SRSF6: variants seen among roughly 807,000 people sequenced by gnomAD.
The protein encoded by SRSF6 is serine/arginine-rich splicing factor 6.
In SRSF6, 17 loss-of-function variants were observed where a neutral mutation model predicts 42.0. The observed-to-expected ratio is 0.40, with a 90% CI of 0.28 to 0.61. The LOEUF is 0.61. Ranked by LOEUF, SRSF6 falls within the 20% of genes least tolerant of loss-of-function variation. The pLI, the probability that SRSF6 is intolerant of heterozygous loss-of-function variation, is 0.37. For missense variants in SRSF6, 379 were observed against 471.4 expected (o/e 0.80, Z 1.81); for synonymous variants, 204 against 166.7 (o/e 1.22, Z -1.72).
chr20:43,458,356 C>A lies in SRSF6; in HGVS notation c.108-5C>A. On this transcript the variant is annotated splice_region_variant and splice_polypyrimidine_tract_variant and intron_variant, in intron 1 of 5. Coordinates refer to ENST00000244020, the MANE Select transcript of SRSF6 (RefSeq NM_006275.6). ...GCGGTTGTCCGGCCCTCGCACCGCC[C>A]CTAGGTACGGCTTCGTGGAGTTCGA... The A allele has an allele frequency of 6.5e-7, 1 of 1,548,528 alleles. No individual in the cohort carries two copies. Among genetic ancestry groups the A allele is most frequent in the African/African-American group, 1.4e-5 (1 of 69,638 alleles).
rs2017632345 is a variant in SRSF6 at position 43,463,114 on chromosome 20, TGG to T, written c.*2052_*2053del. 1 of 152,678 alleles carries T rather than the reference TGG, an allele frequency of 6.5e-6. No individual in the cohort carries two copies. 9.5% of individuals were successfully genotyped at this position (152,678 alleles called of 1,614,324 possible). ...GCTCTCTTGTTAATAGGACATCATATGGTAATAGACTGGTTTGACTATATTGT... is the reference window on the plus strand; with the variant it reads ...GCTCTCTTGTTAATAGGACATCATATTAATAGACTGGTTTGACTATATTGT... On this transcript the variant is annotated 3_prime_UTR_variant, in exon 6 of 6. Coordinates refer to ENST00000244020, the MANE Select transcript of SRSF6 (RefSeq NM_006275.6).
chr20:43,461,205 G>C lies in SRSF6; in HGVS notation c.*142G>C. On this transcript the variant is annotated 3_prime_UTR_variant, in exon 6 of 6. Coordinates refer to ENST00000244020, the MANE Select transcript of SRSF6 (RefSeq NM_006275.6). Reference sequence around the variant, plus strand: ...AGAAATTTGATTTGTGGCCAAATTGGATGAAAAAGATGAGGCTCTAAGGAA... The same window carrying C: ...AGAAATTTGATTTGTGGCCAAATTGCATGAAAAAGATGAGGCTCTAAGGAA... The C allele has an allele frequency of 8.4e-7, 1 of 1,195,434 alleles. No individual in the cohort carries two copies. Among genetic ancestry groups the C allele is most frequent in the Non-Finnish European group, 1.1e-6 (1 of 909,706 alleles). The allele number at this position is 1,195,434 out of a possible 1,614,324, so 74.1% of individuals were successfully genotyped here.
At chr20:43,459,028 C>T in intron 2 of SRSF6, 1 of 767,708 alleles carries the variant, frequency 1.3e-6, no homozygotes, top group Non-Finnish European at 1.9e-6. Context: ...TGTATTTGAA[C>T]TAATTGGGGC....
At position 43,459,846 on chromosome 20, in the gene SRSF6, G is replaced by A; in HGVS notation, c.332G>A (p.Arg111Lys). 6.2e-7 allele frequency: 1 copy of A among 1,610,442 alleles called. No individual in the cohort carries two copies. ...GGACCACCTGTTCGTACAGAATACA[G>A]GCTTATTGTAGAAAATCTTTCTAGT... is the stretch of plus-strand genomic sequence containing the variant. ...KYGPPVRTEY[R>K]LIVENLSSRC... The change falls in exon 3 of 6, where the codon AGG (arginine) becomes AAG (lysine). Residue 111 changes from arginine to lysine, a missense_variant. By Grantham distance (26) the Arg-to-Lys change is conservative (BLOSUM62 2). This residue lies in a region of SRSF6 where 43 missense variants were observed against 108.5 expected (regional missense o/e 0.40). Coordinates refer to ENST00000244020, the MANE Select transcript of SRSF6 (RefSeq NM_006275.6).
In SRSF6 at chr20:43,460,697, G is replaced by A. The variant is rs1333444980; in HGVS notation, c.675-6G>A. On this transcript the variant is annotated splice_region_variant and splice_polypyrimidine_tract_variant and intron_variant, in intron 5 of 5. Coordinates refer to ENST00000244020, the MANE Select transcript of SRSF6 (RefSeq NM_006275.6). The stretch of plus-strand genomic sequence containing the variant: ...GTATTGAGAAAATCGGTCTTTCCTT[G>A]TCCAGTTCCAGGTCGCGGAGCAAAG... 6.2e-7 allele frequency: 1 copy of A among 1,612,996 alleles called. No individual in the cohort carries two copies. Among genetic ancestry groups the A allele is most frequent in the Admixed American group, 1.7e-5 (1 of 59,956 alleles).
intron 1 of SRSF6, 81 bp from the exon 2 acceptor site, chr20:43,458,280 G>A: frequency 7.1e-7 from 1 of 1,403,148 alleles, no homozygotes; most frequent in Non-Finnish European, 9.3e-7. Context: ...GCGGGGGCGC[G>A]CGGTGGGGTA....
Position 43,457,902 on chromosome 20 carries a change from T to G in SRSF6, c.-132T>G, listed in dbSNP as rs1022984725. 2.9e-4 allele frequency: 191 copies of G among 669,166 alleles called. No individual in the cohort carries two copies. Among genetic ancestry groups the G allele is most frequent in the Non-Finnish European group, 4.3e-4 (172 of 403,112 alleles). The allele number at this position is 669,166 out of a possible 1,614,324, so 41.5% of individuals were successfully genotyped here. On this transcript the variant is annotated 5_prime_UTR_variant, in exon 1 of 6. Coordinates refer to ENST00000244020, the MANE Select transcript of SRSF6 (RefSeq NM_006275.6). The stretch of plus-strand genomic sequence containing the variant: ...CCTGGCGCGCGCGCGCGCCATTGTG[T>G]GGCTGGACTCGGCCGCCCCTGTGGT...
rs1209304033 is a variant in SRSF6 at position 43,458,457 on chromosome 20, G to A, written c.204G>A (p.Glu68=). ...TCTGCGGCGAGCGCGTGATCGTAGA[G>A]CACGCCCGGGGCCCGCGTCGCGATC... is the stretch of plus-strand genomic sequence containing the variant. ...KELCGERVIV[E]HARGPRRDRD... The change falls in exon 2 of 6, where the codon GAG becomes GAA. Residue 68 remains glutamate (E), a synonymous_variant. Coordinates refer to ENST00000244020, the MANE Select transcript of SRSF6 (RefSeq NM_006275.6). 2 of 1,524,818 alleles carry A rather than the reference G, an allele frequency of 1.3e-6. No individual in the cohort carries two copies. 94.5% of individuals were successfully genotyped at this position (1,524,818 alleles called of 1,614,324 possible).
Position 43,459,765 on chromosome 20 carries a change from A to G in SRSF6, c.257-6A>G. 6.2e-7 allele frequency: 1 copy of G among 1,612,894 alleles called. No individual in the cohort carries two copies. Among genetic ancestry groups the G allele is most frequent in the Non-Finnish European group, 8.5e-7 (1 of 1,180,026 alleles). On this transcript the variant is annotated splice_polypyrimidine_tract_variant and splice_region_variant and intron_variant, in intron 2 of 5. Transcript: ENST00000244020. ...GGCATCTAATTGTTCCCTTCATGTG[A>G]TAAAGGTGGTGGAGGTGGATACAGC...
chr20:43,458,338 T>C (rs773522012), intron 1 of SRSF6, 23 bp from the exon 2 acceptor site: 3 of 1,523,916 alleles, frequency 2.0e-6, no homozygotes, highest in Non-Finnish European at 2.6e-6. Context: ...CCCGCGGTTG[T>C]CCGGCCCTCG....
At position 43,462,424 on chromosome 20, in the gene SRSF6, A is replaced by C. The variant is rs1187359724; in HGVS notation, c.*1361A>C. 1 of 152,226 alleles carries C rather than the reference A, an allele frequency of 6.6e-6. No homozygotes were observed. Among genetic ancestry groups the C allele is most frequent in the Non-Finnish European group, 1.5e-5 (1 of 68,038 alleles). 9.4% of individuals were successfully genotyped at this position (152,226 alleles called of 1,614,324 possible). A position where few individuals can be genotyped will look rare whatever the true frequency, so the allele number is the denominator to read the frequency against. On this transcript the variant is annotated 3_prime_UTR_variant, in exon 6 of 6. Transcript: ENST00000244020. ...GTTACTTTATTTAAAAGCATTTATT[A>C]ATCTTAGTCTGAAATCAAAATATAG...
rs779044778 is a variant in SRSF6, at chr20:43,462,916, T to C, written c.*1853T>C. ...ATGTCTGTTGTTATAGTTCATTGTTTTGCCTACTCAGCAGAAGTGATGACT... is the reference window on the plus strand; with the variant it reads ...ATGTCTGTTGTTATAGTTCATTGTTCTGCCTACTCAGCAGAAGTGATGACT... On this transcript the variant is annotated 3_prime_UTR_variant, in exon 6 of 6. Transcript: ENST00000244020. 9.2e-5 allele frequency: 14 copies of C among 152,704 alleles called. No homozygotes were observed. Among genetic ancestry groups the C allele is most frequent in the Non-Finnish European group, 1.5e-4 (10 of 68,052 alleles). 9.5% of individuals were successfully genotyped at this position (152,704 alleles called of 1,614,324 possible). A position where few individuals can be genotyped will look rare whatever the true frequency, so the allele number is the denominator to read the frequency against.
Position 43,459,909 on chromosome 20 carries a change from T to C in SRSF6, c.381+14T>C. The stretch of plus-strand genomic sequence containing the variant: ...CAAGATTTAAAGGTATGTTTTGTAA[T>C]TCAAGATAGAAATGATATGACTAAT... On this transcript the variant is annotated intron_variant, in intron 3 of 5. Coordinates refer to ENST00000244020, the MANE Select transcript of SRSF6 (RefSeq NM_006275.6). 2.5e-6 allele frequency: 4 copies of C among 1,600,534 alleles called. No homozygotes were observed. Among genetic ancestry groups the C allele is most frequent in the South Asian group, 1.1e-5 (1 of 88,612 alleles).
chr20:43,460,501 T>A lies in SRSF6; in HGVS notation c.591-14T>A, dbSNP rs201469806. 11 of 1,612,424 alleles carry A rather than the reference T, an allele frequency of 6.8e-6. No homozygotes were observed. The highest frequency in any genetic ancestry group is 1.3e-5 in the African/African-American group (1 of 75,022). ...TGGATTGGGATTAAGACTTCATTGT[T>A]TTTCTCCTAATAGGTCTCGATCTAG... On this transcript the variant is annotated splice_polypyrimidine_tract_variant and intron_variant, in intron 4 of 5. Coordinates refer to ENST00000244020, the MANE Select transcript of SRSF6 (RefSeq NM_006275.6).
In SRSF6 at chr20:43,461,088, A is replaced by G. The variant is rs2017581613; in HGVS notation, c.*25A>G. 1.3e-6 allele frequency: 2 copies of G among 1,529,098 alleles called. No individual in the cohort carries two copies. Among genetic ancestry groups the G allele is most frequent in the Non-Finnish European group, 8.8e-7 (1 of 1,140,690 alleles). 94.7% of individuals were successfully genotyped at this position (1,529,098 alleles called of 1,614,324 possible). A position where few individuals can be genotyped will look rare whatever the true frequency, so the allele number is the denominator to read the frequency against. On this transcript the variant is annotated 3_prime_UTR_variant, in exon 6 of 6. Transcript: ENST00000244020. ...ACTCAGAACTCCTTGTTTGCACATT[A>G]TTATGGAACACTTTCCTACTTAGGC...
chr20:43,459,961 C>G (rs746637474), intron 3 of SRSF6, 66 bp downstream of exon 3: 19 of 1,603,162 alleles, frequency 1.2e-5, no homozygotes, highest in Non-Finnish European at 1.6e-5. Context: ...CTTTTATATT[C>G]TTATTTCTGG....
chr20:43,462,494 G>A lies in SRSF6; in HGVS notation c.*1431G>A, dbSNP rs1384268224. The A allele has an allele frequency of 1.3e-5, 2 of 152,212 alleles. No homozygotes were observed. The highest frequency in any genetic ancestry group is 4.8e-5 in the African/African-American group (2 of 41,458). The allele number at this position is 152,212 out of a possible 1,614,324, so 9.4% of individuals were successfully genotyped here. A position where few individuals can be genotyped will look rare whatever the true frequency, so the allele number is the denominator to read the frequency against. ...ATACCTTTCTAGGAGGTGTCACAAT[G>A]TAGGGTACCAAGGGTTGGATTGTGA... On this transcript the variant is annotated 3_prime_UTR_variant, in exon 6 of 6. Coordinates refer to ENST00000244020, the MANE Select transcript of SRSF6 (RefSeq NM_006275.6).
chr20:43,458,486 A>G lies in SRSF6; in HGVS notation c.233A>G (p.Asp78Gly). ...GCCCGGGGCCCGCGTCGCGATCGCG[A>G]CGGCTACAGCTACGGAAGCCGCAGT... is the stretch of plus-strand genomic sequence containing the variant. ...EHARGPRRDRDGYSYGSRSGG... is the reference protein window; with the variant it reads ...EHARGPRRDRGGYSYGSRSGG... The change falls in exon 2 of 6, where the codon GAC becomes GGC. Residue 78 changes from aspartate to glycine, a missense_variant. Physicochemically the swap from Asp to Gly is moderately conservative, Grantham distance 94 (BLOSUM62 -1). Transcript: ENST00000244020. 2.7e-6 allele frequency: 4 copies of G among 1,508,668 alleles called. No homozygotes were observed. The highest frequency in any genetic ancestry group is 2.6e-6 in the Non-Finnish European group (3 of 1,133,948). 93.5% of individuals were successfully genotyped at this position (1,508,668 alleles called of 1,614,324 possible).
At position 43,463,873 on chromosome 20, in the gene SRSF6, A is replaced by G. The variant is rs2017644635; in HGVS notation, c.*2810A>G. On this transcript the variant is annotated 3_prime_UTR_variant, in exon 6 of 6. Coordinates refer to ENST00000244020, the MANE Select transcript of SRSF6 (RefSeq NM_006275.6). ...ATTAAAAGTCAAGAATATGAACAGTACAAGAGAGTACCATAACAAATACAA... is the reference window on the plus strand; with the variant it reads ...ATTAAAAGTCAAGAATATGAACAGTGCAAGAGAGTACCATAACAAATACAA... 1 of 152,280 alleles carries G rather than the reference A, an allele frequency of 6.6e-6. No homozygotes were observed. Among genetic ancestry groups the G allele is most frequent in the African/African-American group, 2.4e-5 (1 of 41,474 alleles). The allele number at this position is 152,280 out of a possible 1,614,324, so 9.4% of individuals were successfully genotyped here.
Sources: allele counts gnomAD v4.1 joint callset, GRCh38; gene constraint gnomAD v4.1.1; regional missense constraint gnomAD v4.1.1; transcripts MANE v1.5; gene names NCBI Gene and HGNC (gene_info 2026-07-23, HGNC 2026-07-21).